Variants in MYOM1 observed in about 807,000 individuals in gnomAD.
The protein encoded by MYOM1 is myomesin 1, also known as myomesin-1.
MYOM1 carries 164 observed loss-of-function variants against 205.3 expected under a neutral mutation model. The observed-to-expected ratio is 0.80, with a 90% confidence interval of 0.70 to 0.91. The LOEUF (loss-of-function observed/expected upper bound fraction) is 0.91. Among genes scored for constraint, MYOM1 ranks in the 40% least tolerant of loss-of-function variants. The pLI is 0.00. For missense variants in MYOM1, 2,011 were observed against 2,127.3 expected, an observed-to-expected ratio of 0.95 and a Z score of 1.08; for synonymous variants, 772 against 789.4, an observed-to-expected ratio of 0.98 and a Z score of 0.37.
intron 10 of MYOM1, 84 bp from the exon 11 acceptor site, chr18:3,155,172 C>T (rs1187785956): frequency 7.5e-7 from 1 of 1,337,320 alleles, no homozygotes. Flanking sequence ...CGCTTCTTAC[C>T]ACATCATCAC....
chr18:3,157,807 A>C (rs1305738291), intron 10 of MYOM1, among the ~76,000 whole-genome samples: 2 of 151,754 alleles, frequency 1.3e-5, no homozygotes, highest in African/African-American at 4.8e-5. Flanking sequence ...TGAAGCAAGG[A>C]AACACAGTAT....
At chr18:3,234,703 C>T in the MYOM1 span, among the ~76,000 whole-genome samples, 1 of 152,106 alleles carries the variant, frequency 6.6e-6, no homozygotes, top group Non-Finnish European at 1.5e-5. Flanking sequence ...AAGCAGGCTG[C>T]CAGCCTAATT....
At chr18:3,153,108 C>G (rs532542354) in intron 11 of MYOM1, among the ~76,000 whole-genome samples, 1 of 152,290 alleles carries the variant, frequency 6.6e-6, no homozygotes, top group East Asian at 1.9e-4. Flanking sequence ...GACTCAGCCT[C>G]TTCTCTGTGC....
At position 3,119,750 on chromosome 18, in the gene MYOM1, C is replaced by T. The variant is rs537745169; in HGVS notation, c.3118+119G>A. On this transcript the variant is annotated intron_variant, in intron 20 of 37. Coordinates refer to ENST00000356443, the MANE Select transcript of MYOM1 (RefSeq NM_003803.4). Reference sequence around the variant, plus strand: ...AATATTTTAGGTAAACACAAGGGGCCAAGAGAATTCTTTTCCCTTAAATAT... The same window carrying T: ...AATATTTTAGGTAAACACAAGGGGCTAAGAGAATTCTTTTCCCTTAAATAT... The T allele has an allele frequency of 3.0e-4, 384 of 1,284,344 alleles. 1 individual carries two copies. In the South Asian group the frequency reaches 6.6e-3, roughly 22 times the overall value. 79.6% of individuals were successfully genotyped at this position (1,284,344 alleles called of 1,614,324 possible). A position where few individuals can be genotyped will look rare whatever the true frequency, so the allele number is the denominator to read the frequency against.
At chr18:3,068,726 GTTC>G (rs1390326137) in intron 37 of MYOM1, among the ~76,000 whole-genome samples, 2 of 152,232 alleles carry the variant, frequency 1.3e-5, no homozygotes, top group African/African-American at 4.8e-5. Context: ...TTTATCCCTT[GTTC>G]TTGCTGACTA....
At chr18:3,127,467 C>A (rs1598701470) in intron 18 of MYOM1, among the ~76,000 whole-genome samples, 1 of 151,574 alleles carries the variant, frequency 6.6e-6, no homozygotes. Context: ...CACCACCATG[C>A]CCGGCTAATT....
rs539699480 is a variant in MYOM1, at chr18:3,140,388, CAGAGTG to C, written c.2025+1545_2025+1550del. Among the ~76,000 whole-genome samples, 422 of 147,430 alleles carry C rather than the reference CAGAGTG, an allele frequency of 2.9e-3. 2 individuals carry two copies. The highest frequency in any genetic ancestry group is 0.01 in the African/African-American group (405 of 39,940). Reference sequence around the variant, plus strand: ...TGCCATTGCACTCCAGCCTGGGCAACAGAGTGAGGCTGTCTCAAAAAAAAAAAAAGG... The same window carrying C: ...TGCCATTGCACTCCAGCCTGGGCAACAGGCTGTCTCAAAAAAAAAAAAAGG... On this transcript the variant is annotated intron_variant, in intron 14 of 37. Transcript: ENST00000356443.
At chr18:3,177,897 G>C (rs1184438585) in intron 5 of MYOM1, among the ~76,000 whole-genome samples, 1 of 152,202 alleles carries the variant, frequency 6.6e-6, no homozygotes, top group Non-Finnish European at 1.5e-5. Flanking sequence ...TGACAAGTAA[G>C]AGCTGAAAGC....
Position 3,085,021 on chromosome 18 carries a change from G to C in MYOM1, c.4339+24C>G. 4.5e-6 allele frequency: 7 copies of C among 1,559,726 alleles called. No individual in the cohort carries two copies. In the Middle Eastern group the frequency reaches 5.0e-4, roughly 111 times the overall value. On this transcript the variant is annotated intron_variant, in intron 31 of 37. Transcript: ENST00000356443. ...GCTGTATGCAGAAACACACAAGACA[G>C]ACCCCAGCAGTTGGTGGACTGACCT... is the stretch of plus-strand genomic sequence containing the variant.
intron 13 of MYOM1, among the ~76,000 whole-genome samples, chr18:3,145,320 A>AG (rs1567932098): frequency 6.6e-6 from 1 of 152,076 alleles, no homozygotes; most frequent in African/African-American, 2.4e-5. Flanking sequence ...AAAAAAAAAA[A>AG]AAAATACAAT....
chr18:3,161,718 T>G (rs2080393656), intron 10 of MYOM1, among the ~76,000 whole-genome samples: 1 of 152,260 alleles, frequency 6.6e-6, no homozygotes, highest in South Asian at 2.1e-4. Context: ...GTCTAGATCC[T>G]AATTAAAATC....
At chr18:3,185,534 AT>A (rs954943509) in intron 5 of MYOM1, among the ~76,000 whole-genome samples, 18 of 150,544 alleles carry the variant, frequency 1.2e-4, no homozygotes, top group Admixed American at 5.3e-4. Context: ...AAAGTTTGGA[AT>A]TTTTTTTTTG....
At chr18:3,134,955 A>ATTTTTTT in intron 15 of MYOM1, 131 bp from the exon 16 acceptor site, 1 of 718,576 alleles carries the variant, frequency 1.4e-6, no homozygotes, top group Non-Finnish European at 2.2e-6. Flanking sequence ...TTATTTTACG[A>ATTTTTTT]TTTTTTTTTT....
chr18:3,092,950 T>C (rs1236226601), intron 26 of MYOM1, among the ~76,000 whole-genome samples: 1 of 152,208 alleles, frequency 6.6e-6, no homozygotes, highest in African/African-American at 2.4e-5. Context: ...GTTCACTCAA[T>C]GGCTGTGGGG....
rs1392581193 is a variant in MYOM1 at position 3,116,316 on chromosome 18, T to G, written c.3303+15A>C. ...CAGTTAGTAGAGGAAGCTCTAGAACTGAGCAGCCTCTTACCTTCAGGTATA... is the reference window on the plus strand; with the variant it reads ...CAGTTAGTAGAGGAAGCTCTAGAACGGAGCAGCCTCTTACCTTCAGGTATA... On this transcript the variant is annotated intron_variant, in intron 21 of 37. Coordinates refer to ENST00000356443, the MANE Select transcript of MYOM1 (RefSeq NM_003803.4). 10 of 1,608,458 alleles carry G rather than the reference T, an allele frequency of 6.2e-6. No homozygotes were observed. Among genetic ancestry groups the G allele is most frequent in the Admixed American group, 1.7e-5 (1 of 59,532 alleles).
chr18:3,137,137 AGG>A (rs1411045319), intron 14 of MYOM1, among the ~76,000 whole-genome samples: 6 of 151,710 alleles, frequency 4.0e-5, no homozygotes, highest in African/African-American at 2.4e-5. Context: ...TTTTTAGTAG[AGG>A]GGGGTTTCAC....
intron 25 of MYOM1, 34 bp downstream of exon 25, chr18:3,100,125 G>T: frequency 6.2e-7 from 1 of 1,611,706 alleles, no homozygotes; most frequent in South Asian, 1.1e-5. Context: ...TAGTAAGACT[G>T]CTAAAAACCT....
intron 13 of MYOM1, among the ~76,000 whole-genome samples, chr18:3,144,701 T>C (rs2080100198): frequency 6.6e-6 from 1 of 152,086 alleles, no homozygotes; most frequent in Admixed American, 6.5e-5. Context: ...AAAGTAGATT[T>C]CCAAGCAAAA....
At chr18:3,208,331 T>C (rs1216226154) in intron 2 of MYOM1, among the ~76,000 whole-genome samples, 3 of 152,294 alleles carry the variant, frequency 2.0e-5, no homozygotes, top group South Asian at 2.1e-4. Context: ...CTGAGCAACA[T>C]GGTGAAACCC....
Sources: allele counts gnomAD v4.1 joint callset (sites outside exome capture counted in the v4.1 genomes callset), GRCh38; gene constraint gnomAD v4.1.1; transcripts MANE v1.5; gene names NCBI Gene and HGNC (gene_info 2026-07-23, HGNC 2026-07-21).